The following BOD1L1 variants were observed in gnomAD, a reference collection of about 807,000 sequenced individuals.
BOD1L1 encodes biorientation of chromosomes in cell division protein 1-like 1.
A neutral mutation model predicts 240.7 loss-of-function variants in BOD1L1; 86 were observed. That is an observed-to-expected ratio of 0.36 (90% CI 0.30 to 0.43). The LOEUF (loss-of-function observed/expected upper bound fraction) is 0.43. Ranked by LOEUF, BOD1L1 falls within the 20% of genes least tolerant of loss-of-function variation. The pLI, the probability that BOD1L1 is intolerant of heterozygous loss-of-function variation, is 1.00. For missense variants in BOD1L1, 3,554 were observed against 3,643.5 expected, an observed-to-expected ratio of 0.98 and a Z score of 0.63; for synonymous variants, 1,268 against 1,272.3, an observed-to-expected ratio of 1.00 and a Z score of 0.07.
intron 16 of BOD1L1, among the ~76,000 whole-genome samples, chr4:13,587,193 C>T (rs906912455): frequency 5.3e-5 from 8 of 152,136 alleles, no homozygotes; most frequent in Admixed American, 5.2e-4. Flanking sequence ...CTTTCATTTC[C>T]ACTGACCACT....
intron 12 of BOD1L1, among the ~76,000 whole-genome samples, chr4:13,594,675 T>C (rs541333452): frequency 8.7e-4 from 133 of 152,206 alleles, no homozygotes; most frequent in African/African-American, 3.1e-3. Flanking sequence ...GGCGGGCGGA[T>C]CACGAGGTCA....
Position 13,604,722 on chromosome 4 carries a change from CT to C in BOD1L1, c.2177del (p.Glu726GlyfsTer16). On this transcript the variant is annotated frameshift_variant, in exon 10 of 26. Transcript: ENST00000040738. LOFTEE classifies it high-confidence loss of function. Reference sequence around the variant, plus strand: ...ATGGAGTTTTCTCTCTTTCAGGCTTCTCCTTGGAGGATTTCACCTCTTTCTT... The same window carrying C: ...ATGGAGTTTTCTCTCTTTCAGGCTTCCCTTGGAGGATTTCACCTCTTTCTT... ...LLKKEVKSSK[E>X]KPEREKTPSE... is the part of the protein sequence containing the mutation. 6.2e-7 allele frequency: 1 copy of C among 1,606,510 alleles called. No individual in the cohort carries two copies. Among genetic ancestry groups the C allele is most frequent in the South Asian group, 1.1e-5 (1 of 88,430 alleles).
chr4:13,577,879 T>C, intron 22 of BOD1L1: 1 of 349,554 alleles, frequency 2.9e-6, no homozygotes, highest in Non-Finnish European at 5.1e-6. Flanking sequence ...TTTTTTCAGC[T>C]GCAAAATAAG....
chr4:13,620,417 A>G (rs1716959084), intron 1 of BOD1L1, among the ~76,000 whole-genome samples: 1 of 152,202 alleles, frequency 6.6e-6, no homozygotes, highest in Non-Finnish European at 1.5e-5. Flanking sequence ...CAATTGCACA[A>G]GGAAGCTGGG....
At chr4:13,596,926 T>C (rs1318925926) in intron 11 of BOD1L1, among the ~76,000 whole-genome samples, 178 bp downstream of exon 11, 5 of 152,196 alleles carry the variant, frequency 3.3e-5, no homozygotes, top group South Asian at 4.1e-4. Flanking sequence ...ATAGCACTAT[T>C]TACTAAGATT....
chr4:13,570,974 A>G (rs1430418468), intron 25 of BOD1L1, among the ~76,000 whole-genome samples: 1 of 152,210 alleles, frequency 6.6e-6, no homozygotes, highest in Non-Finnish European at 1.5e-5. Flanking sequence ...AGTTACAATC[A>G]ATATTTTAAA....
intron 1 of BOD1L1, 46 bp downstream of exon 1, chr4:13,627,299 G>A: frequency 8.8e-7 from 1 of 1,142,646 alleles, no homozygotes; most frequent in Non-Finnish European, 1.1e-6. Context: ...GCGCCCTTGG[G>A]TCCTCCCCTT....
chr4:13,609,303 T>C lies in BOD1L1; in HGVS notation c.1595A>G (p.Lys532Arg), dbSNP rs1041951435. The C allele has an allele frequency of 5.9e-6, 9 of 1,537,850 alleles. No individual in the cohort carries two copies. The Admixed American group carries it at 6.7e-5, about 11-fold the overall frequency. ...AAAGTTGACATCTATACCTTGACCC[T>C]TGGTTTTTGAAGACTTTGTCTTTTC... ...KAEKTKSSKTKGQGRSSVDLE... is the reference protein window; with the variant it reads ...KAEKTKSSKTRGQGRSSVDLE... The change falls in exon 7 of 26, where the codon AAG becomes AGG. Residue 532 changes from lysine (K) to arginine (R), a missense_variant. This residue lies in a region of BOD1L1 where 3,393 missense variants were observed against 3,427.1 expected (regional missense o/e 0.99). Transcript: ENST00000040738.
intron 22 of BOD1L1, 101 bp from the exon 23 acceptor site, chr4:13,577,732 T>C (rs768924770): frequency 1.2e-6 from 1 of 803,908 alleles, no homozygotes; most frequent in Non-Finnish European, 2.0e-6. Context: ...TATTAATACA[T>C]TGTTATACAT....
Position 13,615,343 on chromosome 4 carries a change from A to C in BOD1L1, c.528T>G (p.Asp176Glu). 1.2e-6 allele frequency: 2 copies of C among 1,612,950 alleles called. No individual in the cohort carries two copies. The highest frequency in any genetic ancestry group is 1.7e-6 in the Non-Finnish European group (2 of 1,179,416). ...EEGSGNTAPD[D>E]EKPDTSLITQ... is the part of the protein sequence containing the mutation. ...TAATAAGGGAAGTGTCTGGTTTCTC[A>C]TCATCGGGAGCTGTGTTGCCACTTC... is the stretch of plus-strand genomic sequence containing the variant. The change falls in exon 3 of 26, where the codon GAT (aspartate) becomes GAG (glutamate). Residue 176 changes from aspartate to glutamate, a missense_variant. Around this residue, in one of 2 missense-constraint regions of BOD1L1, gnomAD observed 3,393 missense variants for 3,427.1 expected, o/e 0.99. Transcript: ENST00000040738.
chr4:13,595,937 A>G lies in BOD1L1; in HGVS notation c.8027T>C (p.Val2676Ala). The G allele has an allele frequency of 1.2e-6, 2 of 1,613,458 alleles. No individual in the cohort carries two copies. The highest frequency in any genetic ancestry group is 1.7e-6 in the Non-Finnish European group (2 of 1,179,760). Residue 2676 changes from valine to alanine, a missense_variant, in exon 12 of 26, where the codon GTG becomes GCG. By Grantham distance (64) the Val-to-Ala change is moderately conservative. Around this residue, in one of 2 missense-constraint regions of BOD1L1, gnomAD observed 3,393 missense variants for 3,427.1 expected, o/e 0.99. Transcript: ENST00000040738. ...LKANLKMEAYVPSEEEKNGEI... is the reference protein window; with the variant it reads ...LKANLKMEAYAPSEEEKNGEI... ...ACCATTTTTCTCTTCCTCTGAAGGC[A>G]CATAAGCCTAAAAAATCCAAAGCAC...
In BOD1L1 at chr4:13,600,659, A is replaced by T; in HGVS notation, c.6241T>A (p.Tyr2081Asn). The change falls in exon 10 of 26, where the codon TAC (tyrosine) becomes AAC (asparagine). Residue 2081 changes from tyrosine to asparagine, a missense_variant. Physicochemically the swap from Tyr to Asn is moderately radical, Grantham distance 143 (BLOSUM62 -2). Coordinates refer to ENST00000040738, the MANE Select transcript of BOD1L1 (RefSeq NM_148894.3). ...GTAATTGCGCTTACCTGAGGGGTGT[A>T]ATCATTTGTGGTACTGGTGGAAATA... ...LIISTSTTND[Y>N]TPQVSAITDV... is the part of the protein sequence containing the mutation. The T allele has an allele frequency of 2.5e-6, 4 of 1,613,944 alleles. No homozygotes were observed. The highest frequency in any genetic ancestry group is 3.4e-6 in the Non-Finnish European group (4 of 1,179,880).
rs1413599932 is a variant in BOD1L1 at position 13,599,453 on chromosome 4, C to A, written c.7447G>T (p.Gly2483Cys). Residue 2483 changes from glycine (G) to cysteine (C), a missense_variant, in exon 10 of 26, where the codon GGC becomes TGC. This residue lies in a region of BOD1L1 where 3,393 missense variants were observed against 3,427.1 expected (regional missense o/e 0.99). Transcript: ENST00000040738. ...DKSPETGTAG[G>C]SSTASYSAGR... ...GCTGAATAACTTGCTGTGCTACTGC[C>A]CCCTGCTGTCCCTGTCTCTGGGCTC... is the stretch of plus-strand genomic sequence containing the variant. 2 of 1,613,996 alleles carry A rather than the reference C, an allele frequency of 1.2e-6. No individual in the cohort carries two copies. Among genetic ancestry groups the A allele is most frequent in the Admixed American group, 1.7e-5 (1 of 60,022 alleles).
chr4:13,626,570 T>C (rs1717410520), intron 1 of BOD1L1, among the ~76,000 whole-genome samples: 1 of 152,158 alleles, frequency 6.6e-6, no homozygotes, highest in Non-Finnish European at 1.5e-5. Flanking sequence ...TAATGTCCCT[T>C]TCACTCTGAC....
chr4:13,600,327 C>T lies in BOD1L1; in HGVS notation c.6573G>A (p.Glu2191=), dbSNP rs772596573. The change falls in exon 10 of 26, where the codon GAG becomes GAA. Residue 2191 remains glutamate, a synonymous_variant. Transcript: ENST00000040738. Reference sequence around the variant, plus strand: ...CTGGGGGCGCACTGGGCATAGGCCCCTCAAAGTCGGCGGTGCTTATCAAGA... The same window carrying T: ...CTGGGGGCGCACTGGGCATAGGCCCTTCAAAGTCGGCGGTGCTTATCAAGA... The part of the protein sequence containing the change: ...GPVLISTADF[E]GPMPSAPPEA... 1 of 1,614,072 alleles carries T rather than the reference C, an allele frequency of 6.2e-7. No individual in the cohort carries two copies. Among genetic ancestry groups the T allele is most frequent in the Non-Finnish European group, 8.5e-7 (1 of 1,179,902 alleles).
intron 16 of BOD1L1, among the ~76,000 whole-genome samples, 154 bp from the exon 17 acceptor site, chr4:13,586,629 G>A (rs910888812): frequency 6.6e-6 from 1 of 152,152 alleles, no homozygotes; most frequent in Non-Finnish European, 1.5e-5. Context: ...CATGTGATTT[G>A]AGCACTGAAC....
chr4:13,596,494 C>T (rs908890972), intron 11 of BOD1L1, among the ~76,000 whole-genome samples: 1 of 151,832 alleles, frequency 6.6e-6, no homozygotes, highest in Non-Finnish European at 1.5e-5. Context: ...ATGTTCACTG[C>T]TGTTTTGTCA....
rs943089430 is a variant in BOD1L1, at chr4:13,610,831, T to C, written c.1491+103A>G. On this transcript the variant is annotated intron_variant, in intron 6 of 25. Transcript: ENST00000040738. ...TGACAAGTTTCCTGAAGGCAAATCC[T>C]GTATGTCTCTGCTTCATATGCACAT... The C allele has an allele frequency of 2.8e-5, 27 of 969,466 alleles. No individual in the cohort carries two copies. In the South Asian group the frequency reaches 5.5e-4, roughly 20 times the overall value. 60.1% of individuals were successfully genotyped at this position (969,466 alleles called of 1,614,324 possible). A position where few individuals can be genotyped will look rare whatever the true frequency, so the allele number is the denominator to read the frequency against.
In BOD1L1 at chr4:13,601,546, G is replaced by A. The variant is rs1368933828; in HGVS notation, c.5354C>T (p.Thr1785Ile). The A allele has an allele frequency of 1.9e-6, 3 of 1,613,930 alleles. No homozygotes were observed. The highest frequency in any genetic ancestry group is 3.3e-5 in the Admixed American group (2 of 60,006). The change falls in exon 10 of 26, where the codon ACA becomes ATA. Residue 1785 changes from threonine (T) to isoleucine (I), a missense_variant. Thr to Ile is a moderately conservative substitution (Grantham distance 89). This residue lies in a region of BOD1L1 where 3,393 missense variants were observed against 3,427.1 expected (regional missense o/e 0.99). Coordinates refer to ENST00000040738, the MANE Select transcript of BOD1L1 (RefSeq NM_148894.3). ...GCTGGTGACTGCACTCTCACCTTCT[G>A]TACCATCATTCACAGAACCATCTCC... The part of the protein sequence containing the change: ...QEGDGSVNDG[T>I]EGESAVTSTG...
Sources: gnomAD v4.1 joint callset for allele counts (sites outside exome capture counted in the v4.1 genomes callset) on GRCh38, gnomAD v4.1.1 for gene constraint, gnomAD v4.1.1 regional missense constraint, MANE v1.5 for transcripts, NCBI Gene and HGNC (gene_info 2026-07-23, HGNC 2026-07-21) for gene names.